The following CYP2B6 variants were observed in gnomAD, a reference collection of about 807,000 sequenced individuals.
The protein encoded by CYP2B6 is cytochrome P450 family 2 subfamily B member 6, also known as cytochrome P450 2B6.
Under a neutral mutation model 43.4 loss-of-function variants are expected in CYP2B6, and 35 were observed. The observed-to-expected ratio is 0.81, with a 90% CI of 0.62 to 1.07. The LOEUF is 1.07. Among genes scored for constraint, CYP2B6 ranks in the 50% least tolerant of loss-of-function variants. The pLI is 0.00. For synonymous variants in CYP2B6, 239 were observed against 239.2 expected, an observed-to-expected ratio of 1.00 and a Z score of 0.01; for missense variants, 624 against 632.8, an observed-to-expected ratio of 0.99 and a Z score of 0.15.
intron 3 of CYP2B6, among the ~76,000 whole-genome samples, chr19:41,004,833 A>C (rs1007135442): frequency 3.9e-5 from 6 of 151,984 alleles, no homozygotes; most frequent in Non-Finnish European, 7.4e-5. Context: ...TACACAATAT[A>C]GAAAAGAAGT....
intron 6 of CYP2B6, 28 bp from the exon 7 acceptor site, chr19:41,012,270 A>G (rs1446100981): frequency 6.2e-7 from 1 of 1,610,886 alleles, no homozygotes; most frequent in African/African-American, 1.3e-5. Flanking sequence ...CTTTAAAATG[A>G]GATTCATTGG....
intron 1 of CYP2B6, among the ~76,000 whole-genome samples, chr19:41,000,852 A>G (rs1390745763): frequency 6.6e-6 from 1 of 152,060 alleles, no homozygotes; most frequent in Admixed American, 6.5e-5. Flanking sequence ...CAACCTGACC[A>G]ACATGGAGAA....
At chr19:40,997,140 C>A (rs1969009746) in intron 1 of CYP2B6, among the ~76,000 whole-genome samples, 1 of 151,890 alleles carries the variant, frequency 6.6e-6, no homozygotes, top group Admixed American at 6.6e-5. Flanking sequence ...TGAGAGAGAG[C>A]AGACTAGCCC....
rs183040778 is a variant in CYP2B6, at chr19:41,004,434, C to T, written c.472C>T (p.Arg158Trp). ...GGCTCAGTGTCTGATAGAGGAGCTT[C>T]GGAAATCCAAGGGTGAGTCCTGGGG... ...EEAQCLIEEL[R>W]KSKGALMDPT... The change falls in exon 3 of 9, where the codon CGG becomes TGG. Residue 158 changes from arginine (R) to tryptophan (W), a missense_variant. Physicochemically the swap from Arg to Trp is moderately radical, Grantham distance 101. Transcript: ENST00000324071. 18 of 1,613,576 alleles carry T rather than the reference C, an allele frequency of 1.1e-5. No individual in the cohort carries two copies. Among genetic ancestry groups the T allele is most frequent in the South Asian group, 6.6e-5 (6 of 90,986 alleles).
chr19:41,011,527 G>A (rs1969284581), intron 6 of CYP2B6, among the ~76,000 whole-genome samples: 1 of 152,092 alleles, frequency 6.6e-6, no homozygotes, highest in African/African-American at 2.4e-5. Flanking sequence ...TTGATCTATT[G>A]ATTGATTGAT....
chr19:41,013,574 G>A (rs1172670912), intron 8 of CYP2B6, among the ~76,000 whole-genome samples: 2 of 152,166 alleles, frequency 1.3e-5, no homozygotes, highest in South Asian at 2.1e-4. Flanking sequence ...TGAGCCTTGG[G>A]TGTAGATTGC....
rs1969391329 is a variant in CYP2B6 at position 41,017,669 on chromosome 19, A to C, written c.*842A>C. The C allele has an allele frequency of 6.6e-6, 1 of 151,872 alleles. No homozygotes were observed. The highest frequency in any genetic ancestry group is 2.1e-4 in the South Asian group (1 of 4,800). 9.4% of individuals were successfully genotyped at this position (151,872 alleles called of 1,614,324 possible). A position where few individuals can be genotyped will look rare whatever the true frequency, so the allele number is the denominator to read the frequency against. On this transcript the variant is annotated 3_prime_UTR_variant, in exon 9 of 9. Coordinates refer to ENST00000324071, the MANE Select transcript of CYP2B6 (RefSeq NM_000767.5). The stretch of plus-strand genomic sequence containing the variant: ...ATTTTTAGGTGGTCTTGAACTCCTG[A>C]TGTCAGGTGATTCTCCTAGCTCCAA...
intron 4 of CYP2B6, among the ~76,000 whole-genome samples, chr19:41,008,697 T>C (rs1011807228): frequency 6.6e-6 from 1 of 152,136 alleles, no homozygotes; most frequent in African/African-American, 2.4e-5. Flanking sequence ...GAAATTTACA[T>C]CTGACTATAT....
At chr19:41,014,751 G>C (rs1008036657) in intron 8 of CYP2B6, among the ~76,000 whole-genome samples, 1 of 151,724 alleles carries the variant, frequency 6.6e-6, no homozygotes, top group Non-Finnish European at 1.5e-5. Context: ...CAGAAAGACA[G>C]AGGGCAAACC....
intron 1 of CYP2B6, among the ~76,000 whole-genome samples, chr19:40,997,386 T>C (rs1248251441): frequency 1.3e-5 from 2 of 152,142 alleles, no homozygotes; most frequent in African/African-American, 4.8e-5. Flanking sequence ...ACCTTCCAGC[T>C]CCTCTTCCCC....
chr19:41,003,164 G>T (rs1168790903), intron 1 of CYP2B6, among the ~76,000 whole-genome samples: 1 of 152,098 alleles, frequency 6.6e-6, no homozygotes, highest in Admixed American at 6.5e-5. Context: ...TCAGCTTCAG[G>T]AAATACTGCC....
chr19:41,012,646 A>G (rs763381301), intron 7 of CYP2B6, 28 bp from the exon 8 acceptor site: 8 of 1,613,402 alleles, frequency 5.0e-6, no homozygotes, highest in African/African-American at 4.0e-5. Flanking sequence ...GAATGGCAAT[A>G]TCTTTTGATC....
Position 41,016,859 on chromosome 19 carries a change from A to G in CYP2B6, c.*32A>G, listed in dbSNP as rs776738671. On this transcript the variant is annotated 3_prime_UTR_variant, in exon 9 of 9. Coordinates refer to ENST00000324071, the MANE Select transcript of CYP2B6 (RefSeq NM_000767.5). ...TGAGGGAAGGGGGTCAAAGGATTCC[A>G]GGGTCATTCAGTGTCCCCGCCTCTG... is the stretch of plus-strand genomic sequence containing the variant. 82 of 1,589,934 alleles carry G rather than the reference A, an allele frequency of 5.2e-5. No homozygotes were observed. The highest frequency in any genetic ancestry group is 6.6e-5 in the Non-Finnish European group (77 of 1,165,618).
chr19:41,012,096 G>C (rs1373127313), intron 6 of CYP2B6, among the ~76,000 whole-genome samples: 1 of 152,016 alleles, frequency 6.6e-6, no homozygotes, highest in Admixed American at 6.6e-5. Context: ...ATACAGGTGT[G>C]CACCAGCACA....
chr19:41,013,663 T>C (rs33967301), intron 8 of CYP2B6, among the ~76,000 whole-genome samples: 8,201 of 152,282 alleles, frequency 0.054, 245 homozygotes, highest in Middle Eastern at 0.099. Flanking sequence ...GGTCTAGCAC[T>C]GGGAAGGTGG....
intron 3 of CYP2B6, among the ~76,000 whole-genome samples, chr19:41,006,023 G>C (rs1405773300): frequency 6.6e-6 from 1 of 152,050 alleles, no homozygotes; most frequent in Non-Finnish European, 1.5e-5. Context: ...CTCCAGCTGG[G>C]GCCAGTGCTG....
At chr19:41,013,010 T>C (rs1230100015) in intron 8 of CYP2B6, 195 bp downstream of exon 8, 7 of 680,618 alleles carry the variant, frequency 1.0e-5, no homozygotes, top group Non-Finnish European at 1.8e-5. Flanking sequence ...CAAAGGCACA[T>C]CTTGGCAAGC....
intron 1 of CYP2B6, among the ~76,000 whole-genome samples, chr19:40,996,533 G>C (rs1418552595): frequency 3.9e-5 from 6 of 152,128 alleles, no homozygotes; most frequent in East Asian, 1.9e-4. Context: ...TCTACCAAGT[G>C]CCAGAAATAT....
intron 1 of CYP2B6, among the ~76,000 whole-genome samples, chr19:40,995,084 T>C (rs1968981288): frequency 6.6e-6 from 1 of 152,094 alleles, no homozygotes. Context: ...CTAAAGCCAT[T>C]CACAGATTAT....
Sources: allele counts gnomAD v4.1 joint callset (sites outside exome capture counted in the v4.1 genomes callset), GRCh38; gene constraint gnomAD v4.1.1; transcripts MANE v1.5; gene names NCBI Gene and HGNC (gene_info 2026-07-23, HGNC 2026-07-21).